QRICH1: variants seen among roughly 807,000 people sequenced by gnomAD.
The protein encoded by QRICH1 is glutamine rich 1, also known as transcriptional regulator QRICH1.
QRICH1 carries 16 observed loss-of-function variants against 87.1 expected under a neutral mutation model. That is an observed-to-expected ratio of 0.18 (90% CI 0.12 to 0.28). The LOEUF is 0.28. QRICH1 is among the 10% of genes least tolerant of loss of function. The probability of loss-of-function intolerance (pLI) is 1.00; values close to 1 mark genes in which losing one functional copy is unlikely to be tolerated. For missense variants in QRICH1, 647 were observed against 951.7 expected (o/e 0.68, Z 4.21); for synonymous variants, 367 against 368.4 (o/e 1.00, Z 0.05).
chr3:49,037,905 G>A (rs538945723), intron 6 of QRICH1, among the ~76,000 whole-genome samples: 2 of 152,122 alleles, frequency 1.3e-5, no homozygotes, highest in South Asian at 2.1e-4. Flanking sequence ...GAACTTGGGA[G>A]GCGGAAGTTG....
intron 3 of QRICH1, 115 bp downstream of exon 3, chr3:49,056,747 T>C: frequency 6.7e-7 from 1 of 1,500,462 alleles, no homozygotes; most frequent in Non-Finnish European, 9.1e-7. Flanking sequence ...TACTAAATAC[T>C]GCATCACTGT....
chr3:49,069,324 G>C (rs980958326), intron 2 of QRICH1, among the ~76,000 whole-genome samples: 34 of 151,064 alleles, frequency 2.3e-4, no homozygotes, highest in Admixed American at 5.3e-4. Context: ...GGCTGATCTT[G>C]AACTCCTGAC....
At chr3:49,091,995 C>A (rs1408660291) in intron 1 of QRICH1, among the ~76,000 whole-genome samples, 1 of 151,368 alleles carries the variant, frequency 6.6e-6, no homozygotes, top group Non-Finnish European at 1.5e-5. Context: ...TCGCTTCAAC[C>A]AGGGAGGCGG....
intron 2 of QRICH1, among the ~76,000 whole-genome samples, chr3:49,067,791 C>T (rs1422645231): frequency 2.0e-5 from 3 of 151,806 alleles, no homozygotes; most frequent in African/African-American, 7.3e-5. Context: ...CCATCCTGGC[C>T]AACCAACATG....
chr3:49,077,127 T>C (rs906314432), intron 1 of QRICH1, 89 bp from the exon 2 acceptor site: 1 of 843,168 alleles, frequency 1.2e-6, no homozygotes, highest in Non-Finnish European at 1.7e-6. Flanking sequence ...TGGAATATAT[T>C]CAGGGCAGCT....
intron 2 of QRICH1, among the ~76,000 whole-genome samples, chr3:49,062,372 C>CTT (rs754228217): frequency 4.0e-5 from 5 of 124,200 alleles, no homozygotes; most frequent in Admixed American, 1.6e-4. Context: ...GGTGTAGTCG[C>CTT]TTTTTTTTTT....
In QRICH1 at chr3:49,030,294, G is replaced by C; in HGVS notation, c.*158C>G. 1.4e-6 allele frequency: 1 copy of C among 706,898 alleles called. No homozygotes were observed. The highest frequency in any genetic ancestry group is 2.3e-6 in the Non-Finnish European group (1 of 443,796). 43.8% of individuals were successfully genotyped at this position (706,898 alleles called of 1,614,324 possible). A position where few individuals can be genotyped will look rare whatever the true frequency, so the allele number is the denominator to read the frequency against. On this transcript the variant is annotated 3_prime_UTR_variant, in exon 10 of 10. Transcript: ENST00000395443. The stretch of plus-strand genomic sequence containing the variant: ...AGCAGGTTTATGAAGATGCAAAGGG[G>C]GCAAAGTTTTCTTTTATATTTTAAA...
At chr3:49,048,748 A>G (rs1290845709) in intron 3 of QRICH1, among the ~76,000 whole-genome samples, 1 of 130,638 alleles carries the variant, frequency 7.7e-6, no homozygotes. Context: ...AGATCGCACC[A>G]CTGTACTCCA....
Position 49,076,965 on chromosome 3 carries a change from T to C in QRICH1, c.53A>G (p.Lys18Arg). The change falls in exon 2 of 10, where the codon AAG (lysine) becomes AGG (arginine). Residue 18 changes from lysine to arginine, a missense_variant. Coordinates refer to ENST00000395443, the MANE Select transcript of QRICH1 (RefSeq NM_198880.3). ...CCTGTGTTGCGGGACAGACCGTGCC[T>C]TTACTCGGATGTACTCTTCAAAGGA... ...TISFEEYIRV[K>R]ARSVPQHRMK... The C allele has an allele frequency of 6.3e-7, 1 of 1,586,204 alleles. No individual in the cohort carries two copies. Among genetic ancestry groups the C allele is most frequent in the Non-Finnish European group, 8.6e-7 (1 of 1,162,046 alleles).
intron 1 of QRICH1, among the ~76,000 whole-genome samples, chr3:49,078,100 A>C (rs893733018): frequency 6.6e-6 from 1 of 152,190 alleles, no homozygotes; most frequent in African/African-American, 2.4e-5. Context: ...ACAGAAAACA[A>C]GCGAACGTTT....
At chr3:49,092,509 A>G (rs1355848002) in intron 1 of QRICH1, 3 of 152,132 alleles carry the variant, frequency 2.0e-5, no homozygotes, top group Non-Finnish European at 4.4e-5. Context: ...CTTTTTATTA[A>G]TAATTTTAAC....
chr3:49,033,029 AT>A (rs1203034484), intron 7 of QRICH1, 90 bp downstream of exon 7: 17 of 1,114,254 alleles, frequency 1.5e-5, no homozygotes, highest in Non-Finnish European at 2.5e-6. Flanking sequence ...AGTTTCTCAA[AT>A]ATATGTCAGA....
intron 1 of QRICH1, among the ~76,000 whole-genome samples, chr3:49,088,517 C>G (rs528792798): frequency 1.7e-4 from 25 of 150,972 alleles, no homozygotes; most frequent in Admixed American, 3.3e-4. Flanking sequence ...AGGCTGTTCT[C>G]GAACTCCTGA....
At chr3:49,091,655 T>C (rs2042277055) in intron 1 of QRICH1, among the ~76,000 whole-genome samples, 1 of 152,254 alleles carries the variant, frequency 6.6e-6, no homozygotes, top group African/African-American at 2.4e-5. Flanking sequence ...GGAAGACATC[T>C]AATAAGTAAA....
At chr3:49,050,064 C>T (rs1301881285) in intron 3 of QRICH1, among the ~76,000 whole-genome samples, 9 of 149,882 alleles carry the variant, frequency 6.0e-5, no homozygotes, top group South Asian at 2.1e-4. Context: ...AGGCTGGGCG[C>T]GGTGGCTCAC....
In QRICH1 at chr3:49,057,500, G is replaced by A. The variant is rs1344006653; in HGVS notation, c.700C>T (p.Arg234Trp). The change falls in exon 3 of 10, where the codon CGG becomes TGG. Residue 234 changes from arginine to tryptophan, a missense_variant. Arg to Trp is a moderately radical substitution (Grantham distance 101). Transcript: ENST00000395443. This position sits in a 1 kb window ranked among gnomAD's most constrained non-coding sequence, Gnocchi z 5.4. Reference protein sequence around the residue: ...SQQGSPREGERRVGTASVLQP... With the variant: ...SQQGSPREGEWRVGTASVLQP... ...AGGACACTGGCCGTGCCAACCCGCC[G>A]CTCCCCTTCCCGGGGTGAGCCCTGC... The A allele has an allele frequency of 1.9e-6, 3 of 1,613,246 alleles. No homozygotes were observed. Among genetic ancestry groups the A allele is most frequent in the Non-Finnish European group, 2.5e-6 (3 of 1,179,510 alleles).
intron 6 of QRICH1, among the ~76,000 whole-genome samples, chr3:49,042,076 GTTT>G (rs76500911): frequency 2.8e-5 from 2 of 70,850 alleles, no homozygotes; most frequent in Non-Finnish European, 2.9e-5. Context: ...CCCAGACTGT[GTTT>G]TTTTTTTTTT....
rs1018785494 is a variant in QRICH1 at position 49,069,543 on chromosome 3, A to T, written c.309+7166T>A. Among the ~76,000 whole-genome samples, 1,173 of 122,816 alleles carry T rather than the reference A, an allele frequency of 9.6e-3. 9 individuals are homozygous for T. The highest frequency in any genetic ancestry group is 0.014 in the Non-Finnish European group (835 of 60,994). 80.6% of individuals were successfully genotyped at this position (122,816 alleles called of 152,430 possible). On this transcript the variant is annotated intron_variant, in intron 2 of 9. Coordinates refer to ENST00000395443, the MANE Select transcript of QRICH1 (RefSeq NM_198880.3). ...CGAAAATACAGATCCATGGGGGGGA[A>T]TTTTTTTTTTTTTTTTTTTTTTGAG...
chr3:49,088,408 C>T (rs1360866427), intron 1 of QRICH1, among the ~76,000 whole-genome samples: 1 of 152,048 alleles, frequency 6.6e-6, no homozygotes, highest in Non-Finnish European at 1.5e-5. Context: ...GGTTCTCCTG[C>T]CTCAAGCCTC....
Sources: gnomAD v4.1 joint callset for allele counts (sites outside exome capture counted in the v4.1 genomes callset) on GRCh38, gnomAD v4.1.1 for gene constraint, Gnocchi (gnomAD v3.1) non-coding constraint, MANE v1.5 for transcripts, NCBI Gene and HGNC (gene_info 2026-07-23, HGNC 2026-07-21) for gene names.